The following SLC25A13 variants were observed in gnomAD, a reference collection of about 807,000 sequenced individuals.
SLC25A13 encodes the protein electrogenic aspartate/glutamate antiporter SLC25A13, mitochondrial.
In SLC25A13, 70 loss-of-function variants were observed where a neutral mutation model predicts 85.5. The ratio of observed to expected loss-of-function variants is 0.82; its 90% CI spans 0.68 to 1.00. The LOEUF is 1.00. SLC25A13 is among the 50% of genes least tolerant of loss of function. The probability of loss-of-function intolerance (pLI) is 0.00; values close to 1 mark genes in which losing one functional copy is unlikely to be tolerated. For missense variants in SLC25A13, 765 were observed against 819.8 expected (o/e 0.93, Z 0.82); for synonymous variants, 259 against 288.7 (o/e 0.90, Z 1.04).
chr7:96,308,358 C>T (rs989775824), intron 1 of SLC25A13, among the ~76,000 whole-genome samples: 1 of 152,154 alleles, frequency 6.6e-6, no homozygotes, highest in African/African-American at 2.4e-5. Flanking sequence ...GATACCTGAC[C>T]CCTGTGGGGA....
Position 96,148,152 on chromosome 7 carries a change from T to C in SLC25A13, c.1312-1456A>G, listed in dbSNP as rs1212352048. Among the ~76,000 whole-genome samples, 5 of 152,242 alleles carry C rather than the reference T, an allele frequency of 3.3e-5. No individual in the cohort carries two copies. In the East Asian group the frequency reaches 9.6e-4, roughly 29 times the overall value. Reference sequence around the variant, plus strand: ...ACTCTTGTTCTTCCTTAAGTGCAAATGAATTTTTTGTTTGGGTTGGGGGAC... The same window carrying C: ...ACTCTTGTTCTTCCTTAAGTGCAAACGAATTTTTTGTTTGGGTTGGGGGAC... On this transcript the variant is annotated intron_variant, in intron 13 of 17. Transcript: ENST00000265631.
chr7:96,190,918 TG>T, intron 7 of SLC25A13, among the ~76,000 whole-genome samples, 190 bp downstream of exon 7: 1 of 152,332 alleles, frequency 6.6e-6, no homozygotes, highest in South Asian at 2.1e-4. Flanking sequence ...GGGCCCAGTT[TG>T]TTTAAAACTT....
At chr7:96,274,477 T>C (rs1039599275) in intron 3 of SLC25A13, among the ~76,000 whole-genome samples, 9 of 152,196 alleles carry the variant, frequency 5.9e-5, no homozygotes, top group African/African-American at 1.7e-4. Context: ...ACTCTGATGG[T>C]AGTTTCTTTT....
rs571911796 is a variant in SLC25A13 at position 96,206,807 on chromosome 7, A to T, written c.468+2031T>A. ...TTTAATCCTGGACTCTGGCTTCCCCATATCTGGAGGAAGGCCCAGAGGCTG... is the reference window on the plus strand; with the variant it reads ...TTTAATCCTGGACTCTGGCTTCCCCTTATCTGGAGGAAGGCCCAGAGGCTG... On this transcript the variant is annotated intron_variant, in intron 5 of 17. Coordinates refer to ENST00000265631, the MANE Select transcript of SLC25A13 (RefSeq NM_014251.3). Among the ~76,000 whole-genome samples the T allele has an allele frequency of 9.8e-5, 15 of 152,308 alleles. No individual in the cohort carries two copies. In the South Asian group the frequency reaches 3.1e-3, roughly 32 times the overall value.
chr7:96,273,952 T>C (rs926188277), intron 3 of SLC25A13, among the ~76,000 whole-genome samples: 1 of 152,188 alleles, frequency 6.6e-6, no homozygotes, highest in South Asian at 2.1e-4. Context: ...TAGTGTGAAA[T>C]ATAGCCCAGC....
chr7:96,301,228 G>A (rs954036421), intron 1 of SLC25A13, among the ~76,000 whole-genome samples: 5 of 152,142 alleles, frequency 3.3e-5, no homozygotes, highest in South Asian at 2.1e-4. Context: ...TTAGAAGCCT[G>A]GAATTATTAG....
At chr7:96,310,646 C>T (rs1043986314) in intron 1 of SLC25A13, among the ~76,000 whole-genome samples, 2 of 152,184 alleles carry the variant, frequency 1.3e-5, no homozygotes, top group Admixed American at 1.3e-4. Flanking sequence ...ATGCCTGAAT[C>T]AATTATTACT....
intron 9 of SLC25A13, among the ~76,000 whole-genome samples, chr7:96,187,376 T>A (rs1178502856): frequency 6.6e-6 from 1 of 152,204 alleles, no homozygotes; most frequent in Non-Finnish European, 1.5e-5. Context: ...TCAAAGTCAC[T>A]TAACTGAAAA....
At chr7:96,161,211 A>G (rs1297479960) in intron 13 of SLC25A13, among the ~76,000 whole-genome samples, 1 of 152,194 alleles carries the variant, frequency 6.6e-6, no homozygotes, top group African/African-American at 2.4e-5. Context: ...CTTAGAAATG[A>G]AGTCAAATAA....
intron 5 of SLC25A13, among the ~76,000 whole-genome samples, chr7:96,206,843 T>G (rs1795483050): frequency 6.6e-6 from 1 of 152,212 alleles, no homozygotes; most frequent in African/African-American, 2.4e-5. Flanking sequence ...CTGTGAGCAG[T>G]TGAAAATCTA....
At chr7:96,314,081 C>T (rs1025349970) in intron 1 of SLC25A13, among the ~76,000 whole-genome samples, 12 of 139,076 alleles carry the variant, frequency 8.6e-5, no homozygotes, top group East Asian at 8.3e-4. Context: ...AGAAAGAAGA[C>T]GAAAGAAGAA....
At chr7:96,158,796 C>T (rs1032644294) in intron 13 of SLC25A13, among the ~76,000 whole-genome samples, 3 of 152,002 alleles carry the variant, frequency 2.0e-5, no homozygotes, top group Non-Finnish European at 4.4e-5. Flanking sequence ...TTCATTAAGA[C>T]GAATACACAA....
At chr7:96,288,237 T>G (rs1304557118) in intron 2 of SLC25A13, among the ~76,000 whole-genome samples, 2 of 152,132 alleles carry the variant, frequency 1.3e-5, no homozygotes, top group African/African-American at 4.8e-5. Flanking sequence ...TCAAGACCAG[T>G]CTGGCCAGCA....
intron 14 of SLC25A13, among the ~76,000 whole-genome samples, chr7:96,144,725 C>G (rs1792707312): frequency 6.6e-6 from 1 of 152,166 alleles, no homozygotes. Flanking sequence ...CAACTACTTC[C>G]AAGAAGTGTT....
chr7:96,311,721 A>T (rs1207935703), intron 1 of SLC25A13, among the ~76,000 whole-genome samples: 1 of 152,202 alleles, frequency 6.6e-6, no homozygotes, highest in Admixed American at 6.6e-5. Flanking sequence ...ACCCCTTCTG[A>T]AAACTGAAGA....
chr7:96,156,742 T>G (rs181737433), intron 13 of SLC25A13, among the ~76,000 whole-genome samples: 26 of 152,266 alleles, frequency 1.7e-4, no homozygotes, highest in African/African-American at 5.5e-4. Flanking sequence ...AGACAGTGTT[T>G]CACCATGTTG....
intron 14 of SLC25A13, among the ~76,000 whole-genome samples, chr7:96,139,945 CTTTTTTTTTTTTTTTTT>C (rs59749381): frequency 5.8e-5 from 5 of 86,364 alleles, no homozygotes; most frequent in East Asian, 3.2e-4. Context: ...GATTTCCATT[CTTTTTTTTTTTTTTTTT>C]TTTTTTTTTT....
At chr7:96,121,502 G>A (rs1791503112) in intron 17 of SLC25A13, 125 bp from the exon 18 acceptor site, 8 of 1,377,506 alleles carry the variant, frequency 5.8e-6, no homozygotes, top group Non-Finnish European at 8.3e-6. Context: ...TCAGTTGTAT[G>A]TTCCCCTTGG....
At chr7:96,200,889 T>C (rs12704836) in intron 5 of SLC25A13, among the ~76,000 whole-genome samples, 150,034 of 152,288 alleles carry the variant, frequency 0.99, 73,947 homozygotes, top group East Asian at 1. Flanking sequence ...ATCCTGATTT[T>C]CTTTGCCCAG....
Sources: allele counts gnomAD v4.1 joint callset (sites outside exome capture counted in the v4.1 genomes callset), GRCh38; gene constraint gnomAD v4.1.1; transcripts MANE v1.5; gene names NCBI Gene and HGNC (gene_info 2026-07-23, HGNC 2026-07-21).